The following RPS6KL1 variants were observed in gnomAD, a reference collection of about 807,000 sequenced individuals.
RPS6KL1 encodes ribosomal protein S6 kinase-like 1.
A neutral mutation model predicts 57.0 loss-of-function variants in RPS6KL1; 41 were observed. The observed-to-expected ratio is 0.72, with a 90% confidence interval of 0.56 to 0.93. The LOEUF (loss-of-function observed/expected upper bound fraction) is 0.93, where lower values mean the gene tolerates loss of function less well. Among genes scored for constraint, RPS6KL1 ranks in the 40% least tolerant of loss-of-function variants. The pLI is 0.00. For missense variants in RPS6KL1, 697 were observed against 727.7 expected (o/e 0.96, Z 0.49); for synonymous variants, 287 against 309.7 (o/e 0.93, Z 0.77).
rs1275865111 is a variant in RPS6KL1 at position 74,909,947 on chromosome 14, AGGAGAAGGTTC to A, written c.855_865del (p.Asn286SerfsTer14). 1 of 1,613,942 alleles carries A rather than the reference AGGAGAAGGTTC, an allele frequency of 6.2e-7. No homozygotes were observed. Among genetic ancestry groups the A allele is most frequent in the African/African-American group, 1.3e-5 (1 of 74,914 alleles). ...TCTGGTGGATGGGGCCTCCCCAGCT[AGGAGAAGGTTC>A]GGAGAAGTCCTAGGAGGCTCCAGGG... On this transcript the variant is annotated frameshift_variant, in exon 8 of 12. Coordinates refer to ENST00000557413, the MANE Select transcript of RPS6KL1 (RefSeq NM_031464.5). LOFTEE classifies it high-confidence loss of function.
chr14:74,913,367 G>A (rs1178272278), intron 5 of RPS6KL1, among the ~76,000 whole-genome samples: 1 of 152,122 alleles, frequency 6.6e-6, no homozygotes, highest in African/African-American at 2.4e-5. Context: ...GACCAGCCTG[G>A]CCAACATGGT....
intron 4 of RPS6KL1, among the ~76,000 whole-genome samples, chr14:74,919,134 C>T (rs1001240417): frequency 6.6e-6 from 1 of 152,242 alleles, no homozygotes; most frequent in Admixed American, 6.5e-5. Flanking sequence ...AAGATCACGC[C>T]ACTGCACTCC....
At chr14:74,917,550 T>C (rs1188205532) in intron 5 of RPS6KL1, among the ~76,000 whole-genome samples, 1 of 152,196 alleles carries the variant, frequency 6.6e-6, no homozygotes, top group Non-Finnish European at 1.5e-5. Context: ...GGGTGACTAT[T>C]CCAGGGTTCA....
intron 3 of RPS6KL1, among the ~76,000 whole-genome samples, 154 bp from the exon 4 acceptor site, chr14:74,920,123 C>T (rs1304851030): frequency 6.6e-6 from 1 of 152,112 alleles, no homozygotes; most frequent in Non-Finnish European, 1.5e-5. Flanking sequence ...TCATGAGCCC[C>T]TCCTCTGGGG....
intron 7 of RPS6KL1, 28 bp from the exon 8 acceptor site, chr14:74,910,176 G>C (rs568366256): frequency 1.3e-6 from 2 of 1,496,466 alleles, no homozygotes; most frequent in Non-Finnish European, 1.8e-6. Flanking sequence ...AGCGGTGAGC[G>C]TGGGGACAGG....
intron 4 of RPS6KL1, among the ~76,000 whole-genome samples, chr14:74,919,222 A>G (rs1351142635): frequency 6.6e-6 from 1 of 152,200 alleles, no homozygotes; most frequent in Non-Finnish European, 1.5e-5. Flanking sequence ...TAACCTGGGA[A>G]CGTGTGAGTC....
chr14:74,912,982 T>C (rs1209649463), intron 5 of RPS6KL1, among the ~76,000 whole-genome samples: 2 of 152,134 alleles, frequency 1.3e-5, no homozygotes, highest in African/African-American at 2.4e-5. Flanking sequence ...GGTGAGGGCA[T>C]GTGGAGGCAA....
At chr14:74,909,018 G>A (rs1022224368) in intron 9 of RPS6KL1, 83 bp downstream of exon 9, 3 of 1,569,144 alleles carry the variant, frequency 1.9e-6, no homozygotes, top group Non-Finnish European at 1.8e-6. Flanking sequence ...CCACCCACCC[G>A]CTCTGTCATT....
chr14:74,920,289 C>T (rs569429816), intron 3 of RPS6KL1, among the ~76,000 whole-genome samples: 16 of 152,340 alleles, frequency 1.1e-4, no homozygotes, highest in African/African-American at 3.8e-4. Context: ...TTTCCCCATC[C>T]ATTTTTTCAG....
intron 5 of RPS6KL1, among the ~76,000 whole-genome samples, chr14:74,916,838 C>T (rs768420532): frequency 6.6e-6 from 1 of 152,188 alleles, no homozygotes; most frequent in Non-Finnish European, 1.5e-5. Flanking sequence ...CTAAGAACTC[C>T]GATCATTAAG....
intron 3 of RPS6KL1, among the ~76,000 whole-genome samples, chr14:74,920,613 T>C (rs1887677542): frequency 6.6e-6 from 1 of 152,270 alleles, no homozygotes; most frequent in Non-Finnish European, 1.5e-5. Context: ...TCTGGAACTC[T>C]AGCCAGTTCT....
Position 74,906,538 on chromosome 14 carries a change from G to C in RPS6KL1, c.*476C>G. 1.9e-6 allele frequency: 1 copy of C among 520,986 alleles called. No individual in the cohort carries two copies. Among genetic ancestry groups the C allele is most frequent in the East Asian group, 5.5e-5 (1 of 18,060 alleles). The allele number at this position is 520,986 out of a possible 1,614,324, so 32.3% of individuals were successfully genotyped here. On this transcript the variant is annotated 3_prime_UTR_variant, in exon 12 of 12. Transcript: ENST00000557413. ...GGTGGAAGAGGCCTACTCGCTGTGT[G>C]ACTAAGAGGACTAGCCAGGACAGTC...
intron 7 of RPS6KL1, 67 bp downstream of exon 7, chr14:74,911,181 C>G: frequency 6.6e-7 from 1 of 1,522,660 alleles, no homozygotes; most frequent in Non-Finnish European, 9.0e-7. Context: ...CAGGGCTCCG[C>G]ATTTTAAGGG....
Position 74,909,773 on chromosome 14 carries a change from CAA to C in RPS6KL1, c.1038_1039del (p.Trp347GlyfsTer3). On this transcript the variant is annotated frameshift_variant, in exon 8 of 12. Coordinates refer to ENST00000557413, the MANE Select transcript of RPS6KL1 (RefSeq NM_031464.5). LOFTEE classifies it high-confidence loss of function. The stretch of plus-strand genomic sequence containing the variant: ...CACCGGGCCGGCCCCCTCAGGAACC[CAA>C]GTGAGCCCCCGAGGGGGCCCAGCGT... 1 of 1,606,716 alleles carries C rather than the reference CAA, an allele frequency of 6.2e-7. No individual in the cohort carries two copies.
At chr14:74,915,852 AAAG>A (rs747446550) in intron 5 of RPS6KL1, among the ~76,000 whole-genome samples, 28 of 152,350 alleles carry the variant, frequency 1.8e-4, no homozygotes, top group Non-Finnish European at 3.2e-4. Flanking sequence ...AAGCCAAATA[AAAG>A]AAGAAGTGAC....
At position 74,922,440 on chromosome 14, in the gene RPS6KL1, C is replaced by T. The variant is rs1007685329; in HGVS notation, c.-483G>A. On this transcript the variant is annotated 5_prime_UTR_variant, in exon 2 of 12. Transcript: ENST00000557413. ...CAGTGTGGTCAGCGAGTGAGGACCC[C>T]TCCTGGAGCCAGCAGAGAGCAGAGC... 21 of 654,238 alleles carry T rather than the reference C, an allele frequency of 3.2e-5. No homozygotes were observed. The African/African-American group carries it at 3.9e-4, about 12-fold the overall frequency. The allele number at this position is 654,238 out of a possible 1,614,324, so 40.5% of individuals were successfully genotyped here.
chr14:74,922,327 G>A lies in RPS6KL1; in HGVS notation c.-370C>T, dbSNP rs1184682308. On this transcript the variant is annotated 5_prime_UTR_variant, in exon 2 of 12. Coordinates refer to ENST00000557413, the MANE Select transcript of RPS6KL1 (RefSeq NM_031464.5). ...TTGTCTCCTCCCTGCTCCTCCTGTG[G>A]GAATCTCATTTACCCTTTGGGGTTT... 2.0e-6 allele frequency: 2 copies of A among 986,092 alleles called. No individual in the cohort carries two copies. Among genetic ancestry groups the A allele is most frequent in the Non-Finnish European group, 2.4e-6 (2 of 830,532 alleles). The allele number at this position is 986,092 out of a possible 1,614,324, so 61.1% of individuals were successfully genotyped here. A position where few individuals can be genotyped will look rare whatever the true frequency, so the allele number is the denominator to read the frequency against.
chr14:74,909,058 G>T (rs771810859), intron 9 of RPS6KL1, 43 bp downstream of exon 9: 1 of 1,598,612 alleles, frequency 6.3e-7, no homozygotes, highest in South Asian at 1.1e-5. Flanking sequence ...CCACACAAAG[G>T]CACCCAGGTG....
At chr14:74,917,333 G>A (rs112252145) in intron 5 of RPS6KL1, among the ~76,000 whole-genome samples, 3,677 of 152,338 alleles carry the variant, frequency 0.024, 112 homozygotes, top group African/African-American at 0.062. Context: ...GGGCTTGCCC[G>A]TGGCCACCCG....
Sources: allele counts gnomAD v4.1 joint callset (sites outside exome capture counted in the v4.1 genomes callset), GRCh38; gene constraint gnomAD v4.1.1; transcripts MANE v1.5; gene names NCBI Gene and HGNC (gene_info 2026-07-23, HGNC 2026-07-21).